Variants in GALNTL6 observed in about 807,000 individuals in gnomAD.
The protein encoded by GALNTL6 is polypeptide N-acetylgalactosaminyltransferase-like 6.
Under a neutral mutation model 73.7 loss-of-function variants are expected in GALNTL6, and 46 were observed. The ratio of observed to expected loss-of-function variants is 0.62; its 90% CI spans 0.49 to 0.80. The LOEUF (loss-of-function observed/expected upper bound fraction) is 0.80. Among genes scored for constraint, GALNTL6 ranks in the 30% least tolerant of loss-of-function variants. The pLI, the probability that GALNTL6 is intolerant of heterozygous loss-of-function variation, is 0.00. For missense variants in GALNTL6, 604 were observed against 755.0 expected (o/e 0.80, Z 2.34); for synonymous variants, 259 against 263.7 (o/e 0.98, Z 0.17).
At chr4:172,870,358 C>T (rs1277267408) in intron 7 of GALNTL6, among the ~76,000 whole-genome samples, 7 of 152,160 alleles carry the variant, frequency 4.6e-5, no homozygotes. Flanking sequence ...TAAACCACCA[C>T]GTCCAGCCTG....
intron 2 of GALNTL6, among the ~76,000 whole-genome samples, chr4:171,886,969 T>C (rs2110920071): frequency 6.6e-6 from 1 of 152,288 alleles, no homozygotes; most frequent in East Asian, 1.9e-4. Flanking sequence ...AAGAAGTAGA[T>C]TGGAATCTTA....
At chr4:172,725,351 C>T (rs915924027) in intron 5 of GALNTL6, among the ~76,000 whole-genome samples, 4 of 152,170 alleles carry the variant, frequency 2.6e-5, no homozygotes, top group African/African-American at 7.2e-5. Context: ...ACTCAGGCTC[C>T]ACACATTCTT....
At chr4:172,080,342 A>G (rs1451000341) in intron 2 of GALNTL6, among the ~76,000 whole-genome samples, 1 of 151,988 alleles carries the variant, frequency 6.6e-6, no homozygotes, top group Non-Finnish European at 1.5e-5. Flanking sequence ...TACCACATTT[A>G]GCTAATTTTT....
intron 3 of GALNTL6, among the ~76,000 whole-genome samples, 166 bp downstream of exon 3, chr4:172,229,930 A>G (rs1736996871): frequency 6.6e-6 from 1 of 152,238 alleles, no homozygotes; most frequent in Non-Finnish European, 1.5e-5. Flanking sequence ...AATTTCAGAG[A>G]GAAAACAAAT....
intron 2 of GALNTL6, among the ~76,000 whole-genome samples, chr4:172,212,756 C>T (rs1736367362): frequency 6.6e-6 from 1 of 152,082 alleles, no homozygotes; most frequent in South Asian, 2.1e-4. Context: ...CAACCTCTGG[C>T]CCCCGGGTTC....
intron 5 of GALNTL6, among the ~76,000 whole-genome samples, chr4:172,420,511 A>G (rs990937752): frequency 6.6e-6 from 1 of 152,136 alleles, no homozygotes; most frequent in Non-Finnish European, 1.5e-5. Flanking sequence ...GTAATAGGCA[A>G]AGGAAATTTG....
At chr4:172,555,740 A>G (rs1736117505) in intron 5 of GALNTL6, among the ~76,000 whole-genome samples, 1 of 152,162 alleles carries the variant, frequency 6.6e-6, no homozygotes, top group Non-Finnish European at 1.5e-5. Flanking sequence ...GATGAATTTC[A>G]TAAAAGACTG....
chr4:172,357,628 GAT>G (rs200429028), intron 5 of GALNTL6, among the ~76,000 whole-genome samples: 4 of 25,010 alleles, frequency 1.6e-4, no homozygotes, highest in South Asian at 4.7e-3. Flanking sequence ...TATATATATA[GAT>G]ATATACACAC....
At chr4:172,351,181 G>A (rs62329908) in intron 5 of GALNTL6, among the ~76,000 whole-genome samples, 5 of 122,518 alleles carry the variant, frequency 4.1e-5, no homozygotes, top group African/African-American at 1.5e-4. Context: ...ACAATAATCT[G>A]TCTATCTATC....
At chr4:171,905,162 A>G (rs1477235496) in intron 2 of GALNTL6, among the ~76,000 whole-genome samples, 3 of 152,254 alleles carry the variant, frequency 2.0e-5, no homozygotes, top group Admixed American at 1.3e-4. Context: ...TTTAAATGTA[A>G]ATGGACTAAA....
chr4:172,268,720 G>C (rs994440784), intron 3 of GALNTL6, among the ~76,000 whole-genome samples: 1 of 152,140 alleles, frequency 6.6e-6, no homozygotes, highest in African/African-American at 2.4e-5. Context: ...AGATGAAATC[G>C]TAAGGGTGGG....
intron 5 of GALNTL6, among the ~76,000 whole-genome samples, chr4:172,737,836 G>A (rs1736560169): frequency 6.6e-6 from 1 of 152,132 alleles, no homozygotes; most frequent in Non-Finnish European, 1.5e-5. Flanking sequence ...TTAAGCCTAG[G>A]TTCATCTCAG....
intron 7 of GALNTL6, among the ~76,000 whole-genome samples, chr4:172,877,024 C>A (rs1239341497): frequency 6.6e-6 from 1 of 152,104 alleles, no homozygotes; most frequent in African/African-American, 2.4e-5. Context: ...ACATTGCAAG[C>A]CACATGTCCA....
intron 3 of GALNTL6, among the ~76,000 whole-genome samples, chr4:172,304,688 C>T (rs1300748966): frequency 2.0e-5 from 3 of 151,886 alleles, no homozygotes; most frequent in Non-Finnish European, 4.4e-5. Context: ...TTTTTTCCCC[C>T]GGACATAAAC....
intron 8 of GALNTL6, among the ~76,000 whole-genome samples, chr4:172,916,604 C>CA (rs1747530299): frequency 6.6e-6 from 1 of 152,084 alleles, no homozygotes; most frequent in African/African-American, 2.4e-5. Context: ...ACACCAATAA[C>CA]AGACAAACAG....
chr4:172,467,154 A>C (rs759874008), intron 5 of GALNTL6, among the ~76,000 whole-genome samples: 7 of 152,176 alleles, frequency 4.6e-5, no homozygotes, highest in Non-Finnish European at 1.0e-4. Flanking sequence ...AAACTTTAGC[A>C]ATATAAAAGA....
At chr4:172,457,324 C>T (rs911352384) in intron 5 of GALNTL6, among the ~76,000 whole-genome samples, 8 of 152,036 alleles carry the variant, frequency 5.3e-5, no homozygotes, top group Non-Finnish European at 1.0e-4. Context: ...AAATAACCAA[C>T]TAGCATCATA....
At chr4:172,472,769 G>A (rs1320148634) in intron 5 of GALNTL6, among the ~76,000 whole-genome samples, 1 of 152,132 alleles carries the variant, frequency 6.6e-6, no homozygotes, top group Non-Finnish European at 1.5e-5. Flanking sequence ...GGGGCTACCA[G>A]AGGCTGGAAA....
intron 3 of GALNTL6, among the ~76,000 whole-genome samples, chr4:172,249,004 G>T (rs1051846752): frequency 3.9e-5 from 6 of 152,176 alleles, no homozygotes; most frequent in Non-Finnish European, 8.8e-5. Context: ...GTGGGGAGCT[G>T]CTGTAAAGAT....
Sources: gnomAD v4.1 joint callset for allele counts (sites outside exome capture counted in the v4.1 genomes callset) on GRCh38, gnomAD v4.1.1 for gene constraint, MANE v1.5 for transcripts, NCBI Gene and HGNC (gene_info 2026-07-23, HGNC 2026-07-21) for gene names.